GBA2: variants seen among roughly 807,000 people sequenced by gnomAD.
GBA2 encodes the protein glucosylceramidase beta 2.
In GBA2, 79 loss-of-function variants were observed where a neutral mutation model predicts 112.9. The ratio of observed to expected loss-of-function variants is 0.70; its 90% CI spans 0.58 to 0.84. The LOEUF is 0.84. Ranked by LOEUF, GBA2 falls within the 40% of genes least tolerant of loss-of-function variation. GBA2 has a pLI of 0.00. For synonymous variants in GBA2, 403 were observed against 434.3 expected, an observed-to-expected ratio of 0.93 and a Z score of 0.90; for missense variants, 1,043 against 1,190.0, an observed-to-expected ratio of 0.88 and a Z score of 1.82.
chr9:35,744,351 A>G lies in GBA2; in HGVS notation c.513T>C (p.Cys171=). The change falls in exon 3 of 17, where the codon TGT becomes TGC. Residue 171 remains cysteine, a synonymous_variant. Transcript: ENST00000378103. Reference sequence around the variant, plus strand: ...ACATTCCAGGGTTAAGCTGCCAACGACAGAACTGGCCTCTCCAGCCACGGG... The same window carrying G: ...ACATTCCAGGGTTAAGCTGCCAACGGCAGAACTGGCCTCTCCAGCCACGGG... The part of the protein sequence containing the change: ...TITRGWRGQF[C]RWQLNPGMYQ... The G allele has an allele frequency of 1.2e-6, 2 of 1,613,704 alleles. No homozygotes were observed. The highest frequency in any genetic ancestry group is 3.3e-4 in the Middle Eastern group (2 of 6,062).
chr9:35,739,098 G>C lies in GBA2; in HGVS notation c.1699C>G (p.Leu567Val). 1.3e-6 allele frequency: 2 copies of C among 1,566,790 alleles called. No homozygotes were observed. The highest frequency in any genetic ancestry group is 1.7e-6 in the Non-Finnish European group (2 of 1,161,240). Residue 567 changes from leucine to valine, a missense_variant, in exon 11 of 17, where the codon CTC becomes GTC. By Grantham distance (32) the Leu-to-Val change is conservative. Transcript: ENST00000378103. ...CGTCGCCGTGTCAGGTCCTCCCTGA[G>C]AGTGGCCAGAGCTGGGGGAGAGACA... ...SLQYDMALAT[L>V]REDLTRRRYL...
In GBA2 at chr9:35,740,965, C is replaced by T. The variant is rs1254045030; in HGVS notation, c.886G>A (p.Gly296Ser). 1 of 1,614,172 alleles carries T rather than the reference C, an allele frequency of 6.2e-7. No homozygotes were observed. Among genetic ancestry groups the T allele is most frequent in the South Asian group, 1.1e-5 (1 of 91,084 alleles). ...CCCCCTGGGGCATCGTCTCCACCACCCAGTCCATTCCGCATGGAGAACATG... is the reference window on the plus strand; with the variant it reads ...CCCCCTGGGGCATCGTCTCCACCACTCAGTCCATTCCGCATGGAGAACATG... ...SIMFSMRNGL[G>S]GGDDAPGGLW... The change falls in exon 5 of 17, where the codon GGT becomes AGT. Residue 296 changes from glycine (G) to serine (S), a missense_variant. Coordinates refer to ENST00000378103, the MANE Select transcript of GBA2 (RefSeq NM_020944.3). The surrounding 1 kb of genome is among the most constrained non-coding windows in gnomAD (Gnocchi z 4.7).
Position 35,744,701 on chromosome 9 carries a change from A to C in GBA2, c.365T>G (p.Leu122Arg). ...ATGGGTCTTCCGGTACCACCACTGCAGGTACCTGAGGAGCAAGAGGCAATG... is the reference window on the plus strand; with the variant it reads ...ATGGGTCTTCCGGTACCACCACTGCCGGTACCTGAGGAGCAAGAGGCAATG... The part of the protein sequence containing the change: ...IKHIGMGLRY[L>R]QWWYRKTHVE... Residue 122 changes from leucine (L) to arginine (R), a missense_variant, in exon 2 of 17, where the codon CTG (leucine) becomes CGG (arginine). By Grantham distance (102) the Leu-to-Arg change is moderately radical (BLOSUM62 -2). Transcript: ENST00000378103. The C allele has an allele frequency of 6.3e-7, 1 of 1,578,848 alleles. No individual in the cohort carries two copies.
At position 35,748,562 on chromosome 9, in the gene GBA2, G is replaced by A; in HGVS notation, c.143C>T (p.Pro48Leu). 1 of 1,614,136 alleles carries A rather than the reference G, an allele frequency of 6.2e-7. No individual in the cohort carries two copies. The highest frequency in any genetic ancestry group is 1.3e-5 in the African/African-American group (1 of 75,022). Residue 48 changes from proline to leucine, a missense_variant, in exon 1 of 17, where the codon CCC (proline) becomes CTC (leucine). Physicochemically the swap from Pro to Leu is moderately conservative, Grantham distance 98. Transcript: ENST00000378103. The part of the protein sequence containing the change: ...KDVQVTDCKS[P>L]EDSRPPKETD... ...CTCTTTTGGGGGTCGGCTGTCTTCGGGACTCTTACAGTCTGTAACCTGCAC... is the reference window on the plus strand; with the variant it reads ...CTCTTTTGGGGGTCGGCTGTCTTCGAGACTCTTACAGTCTGTAACCTGCAC...
At chr9:35,744,775 CCT>C in intron 1 of GBA2, 69 bp from the exon 2 acceptor site, 1 of 823,512 alleles carries the variant, frequency 1.2e-6, no homozygotes, top group South Asian at 1.3e-5. Flanking sequence ...GAGTCACCTG[CCT>C]CTCTCTGTGA....
Position 35,737,147 on chromosome 9 carries a change from T to A in GBA2, c.*22A>T. On this transcript the variant is annotated 3_prime_UTR_variant, in exon 17 of 17. Transcript: ENST00000378103. The surrounding 1 kb of genome is among the most constrained non-coding windows in gnomAD (Gnocchi z 4.1). ...GGCTGGAGGCTGGGCTGTTAGCACT[T>A]CCCTCCCACAGTTCAGACGGCTCAC... 6.3e-7 allele frequency: 1 copy of A among 1,591,920 alleles called. No homozygotes were observed. Among genetic ancestry groups the A allele is most frequent in the Non-Finnish European group, 8.5e-7 (1 of 1,173,408 alleles).
At position 35,741,251 on chromosome 9, in the gene GBA2, CA is replaced by C. The variant is rs1826656772; in HGVS notation, c.787-188del. The C allele has an allele frequency of 3.0e-5, 19 of 634,988 alleles. No homozygotes were observed. Among genetic ancestry groups the C allele is most frequent in the Non-Finnish European group, 4.0e-5 (15 of 372,884 alleles). 39.3% of individuals were successfully genotyped at this position (634,988 alleles called of 1,614,324 possible). The stretch of plus-strand genomic sequence containing the variant: ...AGCAGGGAATATAGAAGACCAGAAC[CA>C]GTTGGGCGGTGGTTCTGGGAAGCCA... On this transcript the variant is annotated intron_variant, in intron 4 of 16. Coordinates refer to ENST00000378103, the MANE Select transcript of GBA2 (RefSeq NM_020944.3). This position sits in a 1 kb window ranked among gnomAD's most constrained non-coding sequence, Gnocchi z 4.6.
chr9:35,739,257 A>G (rs1826477606), intron 10 of GBA2, 58 bp downstream of exon 10: 3 of 1,208,620 alleles, frequency 2.5e-6, no homozygotes, highest in Non-Finnish European at 3.7e-6. Flanking sequence ...GAGGGACCAC[A>G]GAAGTTCGGG....
Position 35,738,374 on chromosome 9 carries a change from A to G in GBA2, c.2055T>C (p.Ser685=), listed in dbSNP as rs202088139. Residue 685 remains serine (S), a splice_region_variant and synonymous_variant, in exon 14 of 17, where the codon AGT becomes AGC. Coordinates refer to ENST00000378103, the MANE Select transcript of GBA2 (RefSeq NM_020944.3). ...CCAGCCACAGCCCTCCACAGTAAGC[A>G]CTGATCAGGGACATGGGTTTGGGGG... is the stretch of plus-strand genomic sequence containing the variant. ...TYDGWVTTGP[S]AYCGGLWLAA... 79 of 1,613,736 alleles carry G rather than the reference A, an allele frequency of 4.9e-5. No homozygotes were observed. Among genetic ancestry groups the G allele is most frequent in the African/African-American group, 5.3e-5 (4 of 74,910 alleles).
Position 35,741,137 on chromosome 9 carries a change from T to C in GBA2, c.787-73A>G. The C allele has an allele frequency of 6.5e-7, 1 of 1,542,146 alleles. No homozygotes were observed. The highest frequency in any genetic ancestry group is 8.9e-7 in the Non-Finnish European group (1 of 1,128,412). ...GACCCCACTCTGCTAGGATCAGTCC[T>C]GGGCACACAGAGGACCTGACTCAAA... On this transcript the variant is annotated intron_variant, in intron 4 of 16. Transcript: ENST00000378103. This position sits in a 1 kb window ranked among gnomAD's most constrained non-coding sequence, Gnocchi z 4.6.
rs370416893 is a variant in GBA2 at position 35,739,060 on chromosome 9, A to G, written c.1737T>C (p.Ser579=). 10 of 1,613,574 alleles carry G rather than the reference A, an allele frequency of 6.2e-6. No individual in the cohort carries two copies. Among genetic ancestry groups the G allele is most frequent in the African/African-American group, 2.7e-5 (2 of 74,940 alleles). The change falls in exon 11 of 17, where the codon AGT becomes AGC. Residue 579 remains serine, a synonymous_variant. Coordinates refer to ENST00000378103, the MANE Select transcript of GBA2 (RefSeq NM_020944.3). ...EDLTRRRYLM[S]GVMAPVKRRN... The stretch of plus-strand genomic sequence containing the variant: ...TCCTTTTCACAGGTGCCATCACCCC[A>G]CTCATCAGGTACCGTCGCCGTGTCA...
At chr9:35,739,228 G>T in intron 10 of GBA2, 87 bp downstream of exon 10, 1 of 1,070,066 alleles carries the variant, frequency 9.3e-7, no homozygotes, top group Non-Finnish European at 1.5e-6. Flanking sequence ...ATGAAGGGAA[G>T]GGAAAGAAGA....
In GBA2 at chr9:35,741,992, G is replaced by A; in HGVS notation, c.568-102C>T. The A allele has an allele frequency of 1.3e-6, 1 of 751,224 alleles. No homozygotes were observed. The highest frequency in any genetic ancestry group is 1.5e-5 in the South Asian group (1 of 66,926). The allele number at this position is 751,224 out of a possible 1,614,324, so 46.5% of individuals were successfully genotyped here. A position where few individuals can be genotyped will look rare whatever the true frequency, so the allele number is the denominator to read the frequency against. On this transcript the variant is annotated intron_variant, in intron 3 of 16. Transcript: ENST00000378103. The surrounding 1 kb of genome is among the most constrained non-coding windows in gnomAD (Gnocchi z 4.6). ...TCCTCCCCTTTCAGAGCCTGCAACT[G>A]TTACCACTGCACCATCAGCTTCAAG... is the stretch of plus-strand genomic sequence containing the variant.
chr9:35,737,537 CCTTCAAGGAG>C lies in GBA2; in HGVS notation c.2506-100_2506-91del. 1 of 1,562,334 alleles carries C rather than the reference CCTTCAAGGAG, an allele frequency of 6.4e-7. No individual in the cohort carries two copies. The highest frequency in any genetic ancestry group is 8.7e-7 in the Non-Finnish European group (1 of 1,152,134). ...ATAGATGGAGGCAGTAGAGTCTTTG[CCTTCAAGGAG>C]CTCCCAGCAAGTGGAGGAGATAACT... On this transcript the variant is annotated intron_variant, in intron 16 of 16. Transcript: ENST00000378103. The surrounding 1 kb of genome is among the most constrained non-coding windows in gnomAD (Gnocchi z 4.1).
At position 35,738,041 on chromosome 9, in the gene GBA2, G is replaced by T. The variant is rs770645171; in HGVS notation, c.2309C>A (p.Thr770Asn). Residue 770 changes from threonine to asparagine, a missense_variant, in exon 15 of 17, where the codon ACT (threonine) becomes AAT (asparagine). Transcript: ENST00000378103. Reference protein sequence around the residue: ...LKACGLGEGDTEVFPTQHVVR... With the variant: ...LKACGLGEGDNEVFPTQHVVR... ...CTGCTCCTCCTCCTCTCTCACCTCA[G>T]TGTCTCCTTCTCCTAGGCCACAGGC... is the stretch of plus-strand genomic sequence containing the variant. 5 of 1,605,844 alleles carry T rather than the reference G, an allele frequency of 3.1e-6. No homozygotes were observed. The highest frequency in any genetic ancestry group is 4.5e-5 in the East Asian group (2 of 44,720).
At position 35,741,379 on chromosome 9, in the gene GBA2, C is replaced by T. The variant is rs1826671983; in HGVS notation, c.786+293G>A. ...GCGCAATCTCGGCTCACTGCAAGCT[C>T]CGCCTCCCGGGTTCACACCATTATC... is the stretch of plus-strand genomic sequence containing the variant. On this transcript the variant is annotated intron_variant, in intron 4 of 16. Transcript: ENST00000378103. This position sits in a 1 kb window ranked among gnomAD's most constrained non-coding sequence, Gnocchi z 4.6. 2.0e-6 allele frequency: 1 copy of T among 510,662 alleles called. No homozygotes were observed. The allele number at this position is 510,662 out of a possible 1,614,324, so 31.6% of individuals were successfully genotyped here.
In GBA2 at chr9:35,748,827, A is replaced by C; in HGVS notation, c.-123T>G. On this transcript the variant is annotated 5_prime_UTR_variant, in exon 1 of 17. Coordinates refer to ENST00000378103, the MANE Select transcript of GBA2 (RefSeq NM_020944.3). ...GGGCCGGGCGTTGGGGAAAGCTTAA[A>C]TGAGCTGGTGTTTCAGTGGAGCCGG... 2 of 651,858 alleles carry C rather than the reference A, an allele frequency of 3.1e-6. No homozygotes were observed. The highest frequency in any genetic ancestry group is 5.3e-6 in the Non-Finnish European group (2 of 375,164). 40.4% of individuals were successfully genotyped at this position (651,858 alleles called of 1,614,324 possible). A position where few individuals can be genotyped will look rare whatever the true frequency, so the allele number is the denominator to read the frequency against.
At chr9:35,739,280 C>T in intron 10 of GBA2, 35 bp downstream of exon 10, 1 of 1,419,882 alleles carries the variant, frequency 7.0e-7, no homozygotes, top group Non-Finnish European at 1.0e-6. Flanking sequence ...TATGGGGAGC[C>T]AAGAGGGCAG....
chr9:35,741,635 G>T lies in GBA2; in HGVS notation c.786+37C>A. ...TCTAGCAGAGGCAGGTCCTGGGGAA[G>T]GGAGGGCAATGGAAGATACAGATGT... On this transcript the variant is annotated intron_variant, in intron 4 of 16. Coordinates refer to ENST00000378103, the MANE Select transcript of GBA2 (RefSeq NM_020944.3). This position sits in a 1 kb window ranked among gnomAD's most constrained non-coding sequence, Gnocchi z 4.6. The T allele has an allele frequency of 7.5e-7, 1 of 1,334,708 alleles. No individual in the cohort carries two copies. The highest frequency in any genetic ancestry group is 1.1e-6 in the Non-Finnish European group (1 of 925,118). 82.7% of individuals were successfully genotyped at this position (1,334,708 alleles called of 1,614,324 possible).
Sources: allele counts gnomAD v4.1 joint callset, GRCh38; gene constraint gnomAD v4.1.1; non-coding constraint Gnocchi (gnomAD v3.1); transcripts MANE v1.5; gene names NCBI Gene and HGNC (gene_info 2026-07-23, HGNC 2026-07-21).